Variants in ARMC3 observed in about 807,000 individuals in gnomAD.
The protein encoded by ARMC3 is armadillo repeat-containing protein 3.
A neutral mutation model predicts 90.3 loss-of-function variants in ARMC3; 74 were observed. The observed-to-expected ratio is 0.82, with a 90% confidence interval of 0.68 to 0.99. ARMC3 has a LOEUF of 0.99. Ranked by LOEUF, ARMC3 falls within the 50% of genes least tolerant of loss-of-function variation. The pLI is 0.00. For missense variants in ARMC3, 958 were observed against 1,042.8 expected, an observed-to-expected ratio of 0.92 and a Z score of 1.12; for synonymous variants, 334 against 361.8, an observed-to-expected ratio of 0.92 and a Z score of 0.87.
chr10:22,964,202 A>G (rs1239840550), intron 7 of ARMC3, among the ~76,000 whole-genome samples: 1 of 152,160 alleles, frequency 6.6e-6, no homozygotes, highest in Non-Finnish European at 1.5e-5. Flanking sequence ...TAAATTTACC[A>G]AACTTTTTGC....
chr10:22,929,940 CT>C lies in ARMC3; in HGVS notation c.-2+1835del, dbSNP rs1480468695. ...CTGTCTGTGTAAGCTCTTCTAACCTCTGCACTATGCAATTGCTCAAAAACAC... is the reference window on the plus strand; with the variant it reads ...CTGTCTGTGTAAGCTCTTCTAACCTCGCACTATGCAATTGCTCAAAAACAC... On this transcript the variant is annotated intron_variant, in intron 1 of 18. Transcript: ENST00000298032. Among the ~76,000 whole-genome samples the C allele has an allele frequency of 2.0e-5, 3 of 152,326 alleles. No individual in the cohort carries two copies. The East Asian group carries it at 5.8e-4, about 29-fold the overall frequency.
chr10:23,037,535 T>G lies in ARMC3; in HGVS notation c.*56T>G. On this transcript the variant is annotated 3_prime_UTR_variant, in exon 19 of 19. Coordinates refer to ENST00000298032, the MANE Select transcript of ARMC3 (RefSeq NM_173081.5). Reference sequence around the variant, plus strand: ...CAAGAAATTCACTGTGTACACTCTCTAAGACATTCTCCAAATTGATTTTAT... The same window carrying G: ...CAAGAAATTCACTGTGTACACTCTCGAAGACATTCTCCAAATTGATTTTAT... The G allele has an allele frequency of 7.4e-7, 1 of 1,345,284 alleles. No homozygotes were observed. The highest frequency in any genetic ancestry group is 1.0e-6 in the Non-Finnish European group (1 of 995,856). 83.3% of individuals were successfully genotyped at this position (1,345,284 alleles called of 1,614,324 possible). A position where few individuals can be genotyped will look rare whatever the true frequency, so the allele number is the denominator to read the frequency against.
Position 23,030,750 on chromosome 10 carries a change from A to T in ARMC3, c.2200A>T (p.Ile734Leu). Residue 734 changes from isoleucine (I) to leucine (L), a missense_variant, in exon 17 of 19, where the codon ATA (isoleucine) becomes TTA (leucine). Transcript: ENST00000298032. Reference protein sequence around the residue: ...SMYVYEVTKSILPITNIKEQI... With the variant: ...SMYVYEVTKSLLPITNIKEQI... ...GTATGTGTATGAGGTGACCAAATCA[A>T]TACTGCCAATAACCAATATTAAGGA... is the stretch of plus-strand genomic sequence containing the variant. 6.2e-7 allele frequency: 1 copy of T among 1,613,718 alleles called. No individual in the cohort carries two copies. The highest frequency in any genetic ancestry group is 1.1e-5 in the South Asian group (1 of 91,074).
intron 2 of ARMC3, among the ~76,000 whole-genome samples, chr10:22,944,638 C>T (rs1358051550): frequency 6.6e-6 from 1 of 152,180 alleles, no homozygotes; most frequent in Non-Finnish European, 1.5e-5. Flanking sequence ...GGTCAGTGAG[C>T]CACATGTGTC....
Position 22,963,933 on chromosome 10 carries a change from A to C in ARMC3, c.732+1855A>C, listed in dbSNP as rs1380311688. On this transcript the variant is annotated intron_variant, in intron 7 of 18. Coordinates refer to ENST00000298032, the MANE Select transcript of ARMC3 (RefSeq NM_173081.5). Reference sequence around the variant, plus strand: ...CACACACACACACACAAAAAAAAAAAAAAAAAAAAAAAAAAAAGACTAACA... The same window carrying C: ...CACACACACACACACAAAAAAAAAACAAAAAAAAAAAAAAAAAGACTAACA... Among the ~76,000 whole-genome samples the C allele has an allele frequency of 6.3e-3, 667 of 105,616 alleles. 3 individuals carry two copies. The highest frequency in any genetic ancestry group is 0.023 in the African/African-American group (592 of 25,978). 69.3% of individuals were successfully genotyped at this position (105,616 alleles called of 152,430 possible).
In ARMC3 at chr10:22,981,382, G is replaced by A. The variant is rs1836177396; in HGVS notation, c.959G>A (p.Cys320Tyr). The change falls in exon 9 of 19, where the codon TGC becomes TAC. Residue 320 changes from cysteine (C) to tyrosine (Y), a missense_variant. Physicochemically the swap from Cys to Tyr is radical, Grantham distance 194. Coordinates refer to ENST00000298032, the MANE Select transcript of ARMC3 (RefSeq NM_173081.5). ...KLFHEQEVEK[C>Y]LVALLGSEND... ...TTTCATGAACAAGAGGTTGAAAAGT[G>A]CCTTGTAGCCCTTTTGGGTTCTGAA... is the stretch of plus-strand genomic sequence containing the variant. 1 of 1,612,420 alleles carries A rather than the reference G, an allele frequency of 6.2e-7. No homozygotes were observed. Among genetic ancestry groups the A allele is most frequent in the Non-Finnish European group, 8.5e-7 (1 of 1,179,612 alleles).
At chr10:23,015,449 C>A (rs530739228) in intron 16 of ARMC3, among the ~76,000 whole-genome samples, 1 of 152,288 alleles carries the variant, frequency 6.6e-6, no homozygotes, top group South Asian at 2.1e-4. Context: ...TTCACTAGAT[C>A]TGTTTGTGAA....
intron 17 of ARMC3, among the ~76,000 whole-genome samples, chr10:23,031,389 G>T (rs535700639): frequency 6.6e-6 from 1 of 152,268 alleles, no homozygotes; most frequent in East Asian, 1.9e-4. Context: ...AGCTGTAAGG[G>T]GTTAGGAATC....
chr10:22,985,073 T>C (rs1378419942), intron 10 of ARMC3, among the ~76,000 whole-genome samples: 107 of 111,662 alleles, frequency 9.6e-4, no homozygotes, highest in African/African-American at 3.4e-3. Flanking sequence ...TTTTTTTTTT[T>C]TAGAGATGGG....
intron 10 of ARMC3, among the ~76,000 whole-genome samples, chr10:22,986,666 T>C (rs1264906763): frequency 6.6e-5 from 10 of 151,926 alleles, no homozygotes; most frequent in Non-Finnish European, 8.8e-5. Context: ...ACAAAGTCTG[T>C]TGTCAAACAA....
At chr10:23,003,591 C>G (rs921475541) in intron 13 of ARMC3, among the ~76,000 whole-genome samples, 177 bp downstream of exon 13, 2 of 151,990 alleles carry the variant, frequency 1.3e-5, no homozygotes, top group African/African-American at 2.4e-5. Context: ...ATTTTTTGTT[C>G]AGTTTTAACT....
At chr10:22,941,394 G>T (rs188185606) in intron 2 of ARMC3, among the ~76,000 whole-genome samples, 1 of 152,232 alleles carries the variant, frequency 6.6e-6, no homozygotes, top group Non-Finnish European at 1.5e-5. Flanking sequence ...CTGTAAGCTG[G>T]ATTCAAAAGA....
intron 3 of ARMC3, among the ~76,000 whole-genome samples, chr10:22,951,922 A>G (rs1834753116): frequency 6.6e-6 from 1 of 152,148 alleles, no homozygotes; most frequent in South Asian, 2.1e-4. Context: ...TGAGGTCAGG[A>G]GACTGAGACC....
At chr10:22,963,887 T>TCTCACACACACACA (rs1184167653) in intron 7 of ARMC3, among the ~76,000 whole-genome samples, 7 of 33,860 alleles carry the variant, frequency 2.1e-4, no homozygotes, top group African/African-American at 8.7e-4. Flanking sequence ...AGACTCTGTC[T>TCTCACACACACACA]CACACACACA....
At chr10:22,931,487 T>G (rs1833929298) in intron 1 of ARMC3, among the ~76,000 whole-genome samples, 1 of 152,184 alleles carries the variant, frequency 6.6e-6, no homozygotes, top group Non-Finnish European at 1.5e-5. Flanking sequence ...TGTATACCAT[T>G]TATGAGATCA....
chr10:22,998,264 T>C lies in ARMC3; in HGVS notation c.1292T>C (p.Leu431Pro). The change falls in exon 11 of 19, where the codon CTG becomes CCG. Residue 431 changes from leucine (L) to proline (P), a missense_variant. By Grantham distance (98) the Leu-to-Pro change is moderately conservative. Transcript: ENST00000298032. ...ACAAACATGGCCATGCAGGAGCCCC[T>C]GCGCCTGAACATACAGAATCACGAC... Reference protein sequence around the residue: ...VLTNMAMQEPLRLNIQNHDIM... With the variant: ...VLTNMAMQEPPRLNIQNHDIM... The C allele has an allele frequency of 6.2e-7, 1 of 1,612,390 alleles. No individual in the cohort carries two copies. Among genetic ancestry groups the C allele is most frequent in the South Asian group, 1.1e-5 (1 of 90,798 alleles).
chr10:22,973,493 T>C (rs1319158623), intron 8 of ARMC3, among the ~76,000 whole-genome samples: 3 of 150,778 alleles, frequency 2.0e-5, no homozygotes, highest in Non-Finnish European at 4.4e-5. Flanking sequence ...ACTTATCATA[T>C]GCAATTCATT....
chr10:22,966,272 C>T (rs1005800458), intron 7 of ARMC3, among the ~76,000 whole-genome samples: 3 of 152,206 alleles, frequency 2.0e-5, no homozygotes, highest in Non-Finnish European at 4.4e-5. Flanking sequence ...CAGGCTCTGA[C>T]CTCTGACACC....
intron 10 of ARMC3, among the ~76,000 whole-genome samples, chr10:22,996,470 T>C (rs908611777): frequency 1.3e-5 from 2 of 152,172 alleles, no homozygotes; most frequent in African/African-American, 4.8e-5. Context: ...TTAAGGGACG[T>C]CATCCTAGAG....
Sources: allele counts gnomAD v4.1 joint callset (sites outside exome capture counted in the v4.1 genomes callset), GRCh38; gene constraint gnomAD v4.1.1; transcripts MANE v1.5; gene names NCBI Gene and HGNC (gene_info 2026-07-23, HGNC 2026-07-21).